Variants in ARPC1B observed in about 807,000 individuals in gnomAD.
ARPC1B encodes the protein actin related protein 2/3 complex subunit 1B, also known as actin-related protein 2/3 complex subunit 1B.
ARPC1B carries 29 observed loss-of-function variants against 46.0 expected under a neutral mutation model. That is an observed-to-expected ratio of 0.63 (90% confidence interval 0.47 to 0.86). The LOEUF (loss-of-function observed/expected upper bound fraction) is 0.86. ARPC1B is among the 40% of genes least tolerant of loss of function. The pLI is 0.00. For synonymous variants in ARPC1B, 201 were observed against 213.9 expected, an observed-to-expected ratio of 0.94 and a Z score of 0.53; for missense variants, 469 against 529.4, an observed-to-expected ratio of 0.89 and a Z score of 1.12.
chr7:99,384,227 A>AG (rs1330925093), intron 1 of ARPC1B: 2 of 152,488 alleles, frequency 1.3e-5, no homozygotes, highest in Non-Finnish European at 2.9e-5. Flanking sequence ...CGGGAGGATG[A>AG]GTCGCTGCCC....
chr7:99,375,218 C>A (rs1311176312), intron 1 of ARPC1B, among the ~76,000 whole-genome samples: 1 of 152,166 alleles, frequency 6.6e-6, no homozygotes, highest in Non-Finnish European at 1.5e-5. Flanking sequence ...TCGGTGTAGC[C>A]CCGTTACTTC....
chr7:99,394,391 T>C (rs1264730136), intron 9 of ARPC1B, 60 bp from the exon 10 acceptor site: 3 of 1,433,394 alleles, frequency 2.1e-6, no homozygotes, highest in South Asian at 2.3e-5. Flanking sequence ...ATCAGGTCCC[T>C]GGGAGTGGGG....
intron 1 of ARPC1B, among the ~76,000 whole-genome samples, chr7:99,381,479 TTGTG>T (rs1369927318): frequency 2.0e-5 from 3 of 152,070 alleles, no homozygotes; most frequent in African/African-American, 4.8e-5. Context: ...ACGCATGTGT[TTGTG>T]TGCGTGGCCT....
At chr7:99,376,771 G>T (rs1259060229) in intron 1 of ARPC1B, among the ~76,000 whole-genome samples, 1 of 151,834 alleles carries the variant, frequency 6.6e-6, no homozygotes, top group African/African-American at 2.4e-5. Flanking sequence ...TCAGGAGGCT[G>T]AGGCAGGAGA....
intron 3 of ARPC1B, 140 bp from the exon 4 acceptor site, chr7:99,387,899 C>CAA (rs758756583): frequency 2.1e-3 from 1,119 of 542,996 alleles, no homozygotes; most frequent in East Asian, 2.4e-3. Flanking sequence ...GACTCTGTTT[C>CAA]AAAAAAAAAA....
intron 1 of ARPC1B, 36 bp from the exon 2 acceptor site, chr7:99,385,666 G>A (rs762390275): frequency 1.2e-4 from 190 of 1,571,708 alleles, no homozygotes; most frequent in Non-Finnish European, 1.6e-4. Flanking sequence ...CAAGGTTGGG[G>A]CTGACGTGGA....
At chr7:99,381,807 G>T (rs1014056995) in intron 1 of ARPC1B, among the ~76,000 whole-genome samples, 1 of 152,210 alleles carries the variant, frequency 6.6e-6, no homozygotes, top group Admixed American at 6.5e-5. Context: ...GGCAAAGGTC[G>T]TTCTGCCTTT....
upstream of ARPC1B, chr7:99,374,433 C>A (rs997960669): frequency 9.2e-5 from 14 of 152,230 alleles, no homozygotes; most frequent in Admixed American, 9.2e-4. The surrounding 1 kb of genome is among the most constrained non-coding windows in gnomAD (Gnocchi z 5.0). Flanking sequence ...GGGGGCCGTG[C>A]GCCCGGCCCA....
chr7:99,376,726 C>T (rs1452403944), intron 1 of ARPC1B, among the ~76,000 whole-genome samples: 1 of 152,040 alleles, frequency 6.6e-6, no homozygotes, highest in Non-Finnish European at 1.5e-5. Context: ...CAAAATTAGC[C>T]AGGTGTGGTG....
intron 3 of ARPC1B, 86 bp downstream of exon 3, chr7:99,386,875 T>TG: frequency 1.0e-6 from 1 of 974,256 alleles, no homozygotes; most frequent in Non-Finnish European, 1.6e-6. Flanking sequence ...CCACTCATTG[T>TG]GGAGCATCTG....
At position 99,394,653 on chromosome 7, in the gene ARPC1B, C is replaced by G; in HGVS notation, c.*164C>G. ...GGGACAGATGGGGAGCTTTTCTTAC[C>G]TATTCAAGGAATACGTGCCTTTTTC... On this transcript the variant is annotated 3_prime_UTR_variant, in exon 10 of 10. Coordinates refer to ENST00000646101, the MANE Select transcript of ARPC1B (RefSeq NM_005720.4). 7.1e-7 allele frequency: 1 copy of G among 1,407,110 alleles called. No homozygotes were observed. Among genetic ancestry groups the G allele is most frequent in the Non-Finnish European group, 9.2e-7 (1 of 1,083,576 alleles). The allele number at this position is 1,407,110 out of a possible 1,614,324, so 87.2% of individuals were successfully genotyped here.
chr7:99,394,479 A>C lies in ARPC1B; in HGVS notation c.1109A>C (p.Lys370Thr), dbSNP rs761120674. The C allele has an allele frequency of 1.2e-5, 20 of 1,614,000 alleles. No homozygotes were observed. The highest frequency in any genetic ancestry group is 8.5e-7 in the Non-Finnish European group (1 of 1,180,036). The change falls in exon 10 of 10, where the codon AAG becomes ACG. Residue 370 changes from lysine (K) to threonine (T), a missense_variant. Lys to Thr is a moderately conservative substitution (Grantham distance 78, BLOSUM62 -1). Coordinates refer to ENST00000646101, the MANE Select transcript of ARPC1B (RefSeq NM_005720.4). Reference protein sequence around the residue: ...KSLESALKDLKIK With the variant: ...KSLESALKDLTIK ...TTGGAGTCAGCCTTGAAGGACCTCA[A>C]GATCAAATGACCTGTGAGGAATATG...
intron 1 of ARPC1B, among the ~76,000 whole-genome samples, chr7:99,380,384 G>C (rs1562811067): frequency 6.6e-6 from 1 of 151,806 alleles, no homozygotes; most frequent in Non-Finnish European, 1.5e-5. Context: ...TGGAAAAAGG[G>C]AAATGAGTCT....
chr7:99,394,284 TG>T, intron 9 of ARPC1B, 165 bp downstream of exon 9: 1 of 1,029,656 alleles, frequency 9.7e-7, no homozygotes, highest in Non-Finnish European at 1.5e-6. Flanking sequence ...TGGTGCTCAC[TG>T]GGGCACCCGT....
At chr7:99,392,921 G>A (rs1026652811) in intron 8 of ARPC1B, 45 bp downstream of exon 8, 5 of 1,496,638 alleles carry the variant, frequency 3.3e-6, no homozygotes, top group South Asian at 1.3e-5. Flanking sequence ...GCCTCGGCTC[G>A]CCCAGAAACA....
At chr7:99,386,613 C>G (rs1334782315) in intron 2 of ARPC1B, 72 bp from the exon 3 acceptor site, 1 of 1,140,680 alleles carries the variant, frequency 8.8e-7, no homozygotes, top group Non-Finnish European at 1.3e-6. Context: ...TGCCTAGGTG[C>G]ACTGTGTAGT....
rs185268486 is a variant in ARPC1B at position 99,390,888 on chromosome 7, G to A, written c.501-5G>A. 3.6e-5 allele frequency: 57 copies of A among 1,598,292 alleles called. No individual in the cohort carries two copies. The highest frequency in any genetic ancestry group is 4.2e-5 in the Non-Finnish European group (49 of 1,169,222). The stretch of plus-strand genomic sequence containing the variant: ...ACTTTACCTCTACTTTGCCTATCCC[G>A]GTAGGATCTTTTCAGCCTACATCAA... On this transcript the variant is annotated splice_region_variant and splice_polypyrimidine_tract_variant and intron_variant, in intron 5 of 9. Coordinates refer to ENST00000646101, the MANE Select transcript of ARPC1B (RefSeq NM_005720.4).
intron 3 of ARPC1B, among the ~76,000 whole-genome samples, chr7:99,387,213 G>A (rs565418392): frequency 4.3e-4 from 65 of 152,330 alleles, no homozygotes; most frequent in African/African-American, 1.4e-3. Context: ...AGGCCAAGGC[G>A]AGTGGATCGC....
intron 8 of ARPC1B, 88 bp from the exon 9 acceptor site, chr7:99,393,941 A>G (rs1431741490): frequency 7.3e-7 from 1 of 1,361,364 alleles, no homozygotes; most frequent in Non-Finnish European, 1.0e-6. Context: ...CCGCTCCCCA[A>G]GAAGTCTGGG....
Sources: allele counts gnomAD v4.1 joint callset (sites outside exome capture counted in the v4.1 genomes callset), GRCh38; gene constraint gnomAD v4.1.1; non-coding constraint Gnocchi (gnomAD v3.1); transcripts MANE v1.5; gene names NCBI Gene and HGNC (gene_info 2026-07-23, HGNC 2026-07-21).